DHRS3: variants seen among roughly 807,000 people sequenced by gnomAD.
DHRS3 encodes the protein short-chain dehydrogenase/reductase 3.
DHRS3 carries 14 observed loss-of-function variants against 27.2 expected under a neutral mutation model. That is an observed-to-expected ratio of 0.52 (90% CI 0.34 to 0.81). The LOEUF (loss-of-function observed/expected upper bound fraction) is 0.81, where lower values mean the gene tolerates loss of function less well. Ranked by LOEUF, DHRS3 falls within the 30% of genes least tolerant of loss-of-function variation. DHRS3 has a pLI of 0.01. For synonymous variants in DHRS3, 165 were observed against 175.9 expected, an observed-to-expected ratio of 0.94 and a Z score of 0.49; for missense variants, 322 against 406.2, an observed-to-expected ratio of 0.79 and a Z score of 1.78.
At chr1:12,583,244 C>T (rs1646660774) in intron 1 of DHRS3, among the ~76,000 whole-genome samples, 1 of 150,544 alleles carries the variant, frequency 6.6e-6, no homozygotes, top group Non-Finnish European at 1.5e-5. Context: ...ACTGTACCCA[C>T]TCACCTACCC....
At chr1:12,616,671 C>G (rs1368126633) in intron 1 of DHRS3, 2 of 998,662 alleles carry the variant, frequency 2.0e-6, no homozygotes, top group African/African-American at 1.7e-5. Context: ...CAAGTACCCT[C>G]TCTCGTGTCT....
rs528712505 is a variant in DHRS3, at chr1:12,574,998, A to G, written c.699-2145T>C. Among the ~76,000 whole-genome samples the G allele has an allele frequency of 6.6e-6, 1 of 152,108 alleles. No individual in the cohort carries two copies. Among genetic ancestry groups the G allele is most frequent in the Non-Finnish European group, 1.5e-5 (1 of 68,026 alleles). ...ATGCAGCAGCACTTGTAAAGTGTCT[A>G]GTGGTTCTAGGTGGTTCTATGGCTG... On this transcript the variant is annotated intron_variant, in intron 4 of 5. Transcript: ENST00000616661. This position sits in a 1 kb window ranked among gnomAD's most constrained non-coding sequence, Gnocchi z 4.6.
chr1:12,579,212 C>T, intron 3 of DHRS3, 81 bp downstream of exon 3: 1 of 1,609,456 alleles, frequency 6.2e-7, no homozygotes, highest in South Asian at 1.1e-5. Context: ...AGCCCAAGCC[C>T]TGGCAAATCA....
At chr1:12,582,242 A>G (rs777425465) in intron 1 of DHRS3, among the ~76,000 whole-genome samples, 87 of 152,348 alleles carry the variant, frequency 5.7e-4, no homozygotes, top group Non-Finnish European at 9.0e-4. Flanking sequence ...TCACTTAAGC[A>G]GAGAGGGCAC....
chr1:12,569,262 C>CACACACACAT (rs1553137462), intron 5 of DHRS3, among the ~76,000 whole-genome samples: 2 of 148,580 alleles, frequency 1.3e-5, no homozygotes, highest in African/African-American at 4.9e-5. Context: ...CACACACACA[C>CACACACACAT]TCTTTTTAAA....
chr1:12,617,491 C>T lies in DHRS3; in HGVS notation c.-143G>A, dbSNP rs1202981497. ...CTGGCCACTCTTGAAATCACCTCTT[C>T]CCAAATGCAAAGCACCGGGTGAGAA... On this transcript the variant is annotated 5_prime_UTR_variant, in exon 1 of 6. Coordinates refer to ENST00000616661, the MANE Select transcript of DHRS3 (RefSeq NM_004753.7). 2 of 504,534 alleles carry T rather than the reference C, an allele frequency of 4.0e-6. No individual in the cohort carries two copies. Among genetic ancestry groups the T allele is most frequent in the Non-Finnish European group, 6.4e-6 (2 of 311,972 alleles). 31.3% of individuals were successfully genotyped at this position (504,534 alleles called of 1,614,324 possible). A position where few individuals can be genotyped will look rare whatever the true frequency, so the allele number is the denominator to read the frequency against.
rs1411017701 is a variant in DHRS3, at chr1:12,592,091, C to T, written c.196-11425G>A. Among the ~76,000 whole-genome samples, 1 of 152,118 alleles carries T rather than the reference C, an allele frequency of 6.6e-6. No individual in the cohort carries two copies. The highest frequency in any genetic ancestry group is 1.5e-5 in the Non-Finnish European group (1 of 68,016). On this transcript the variant is annotated intron_variant, in intron 1 of 5. Coordinates refer to ENST00000616661, the MANE Select transcript of DHRS3 (RefSeq NM_004753.7). The surrounding 1 kb of genome is among the most constrained non-coding windows in gnomAD (Gnocchi z 4.2). The stretch of plus-strand genomic sequence containing the variant: ...TGCTGTGAGGGGGTATGGGGTTTGC[C>T]TGGAGCACCCTTGCTCTCCAAGTGG...
intron 1 of DHRS3, among the ~76,000 whole-genome samples, chr1:12,589,913 A>G (rs1646731308): frequency 6.6e-6 from 1 of 152,056 alleles, no homozygotes; most frequent in Non-Finnish European, 1.5e-5. Context: ...GAAGATCCAC[A>G]TACCCTGTTG....
intron 1 of DHRS3, among the ~76,000 whole-genome samples, chr1:12,613,760 G>A (rs749853940): frequency 6.6e-5 from 10 of 151,812 alleles, no homozygotes; most frequent in Non-Finnish European, 2.9e-5. Flanking sequence ...AGTGGGAATT[G>A]AGTTTTTTTG....
In DHRS3 at chr1:12,608,820, C is replaced by T. The variant is rs1646888318; in HGVS notation, c.195+8334G>A. The stretch of plus-strand genomic sequence containing the variant: ...CCTCCAGAACCATCTAGAACAGGTC[C>T]CATGCCTCTGTGGTACTGGAATGCA... On this transcript the variant is annotated intron_variant, in intron 1 of 5. Coordinates refer to ENST00000616661, the MANE Select transcript of DHRS3 (RefSeq NM_004753.7). This position sits in a 1 kb window ranked among gnomAD's most constrained non-coding sequence, Gnocchi z 4.1. Among the ~76,000 whole-genome samples the T allele has an allele frequency of 6.6e-6, 1 of 152,184 alleles. No homozygotes were observed. Among genetic ancestry groups the T allele is most frequent in the Non-Finnish European group, 1.5e-5 (1 of 68,030 alleles).
chr1:12,597,133 G>A (rs1307549451), intron 1 of DHRS3, among the ~76,000 whole-genome samples: 5 of 152,094 alleles, frequency 3.3e-5, no homozygotes, highest in Admixed American at 1.3e-4. Context: ...CTGGAGTGCA[G>A]TGGCGCGATC....
chr1:12,594,021 A>AT lies in DHRS3; in HGVS notation c.196-13356_196-13355insA, dbSNP rs1646767330. Among the ~76,000 whole-genome samples, 1 of 152,120 alleles carries AT rather than the reference A, an allele frequency of 6.6e-6. No individual in the cohort carries two copies. The highest frequency in any genetic ancestry group is 1.5e-5 in the Non-Finnish European group (1 of 68,022). ...TAGAGTTCATGGCTGACACCTCACA[A>AT]CCTTTGCCCTTTTCCCCCACTGGAC... On this transcript the variant is annotated intron_variant, in intron 1 of 5. Transcript: ENST00000616661. The surrounding 1 kb of genome is among the most constrained non-coding windows in gnomAD (Gnocchi z 4.1).
intron 3 of DHRS3, 125 bp downstream of exon 3, chr1:12,579,168 G>A: frequency 6.6e-7 from 1 of 1,506,936 alleles, no homozygotes; most frequent in Non-Finnish European, 9.1e-7. Context: ...CGTCTTGTCT[G>A]GCCACCTTGT....
Position 12,574,907 on chromosome 1 carries a change from A to G in DHRS3, c.699-2054T>C, listed in dbSNP as rs930676828. On this transcript the variant is annotated intron_variant, in intron 4 of 5. Coordinates refer to ENST00000616661, the MANE Select transcript of DHRS3 (RefSeq NM_004753.7). The surrounding 1 kb of genome is among the most constrained non-coding windows in gnomAD (Gnocchi z 4.6). The stretch of plus-strand genomic sequence containing the variant: ...TTGGGCAGGTAACTTTGCTTCTCTG[A>G]GCCTCAGTTCCCTCATCTGTAAAAT... 6.6e-6 allele frequency among the ~76,000 whole-genome samples: 1 copy of G among 152,140 alleles called. No homozygotes were observed. The highest frequency in any genetic ancestry group is 1.5e-5 in the Non-Finnish European group (1 of 68,028).
intron 1 of DHRS3, among the ~76,000 whole-genome samples, chr1:12,584,091 C>G (rs932825511): frequency 6.6e-6 from 1 of 152,114 alleles, no homozygotes; most frequent in African/African-American, 2.4e-5. Flanking sequence ...GTAACAGGAC[C>G]ATGGGGCTTG....
intron 5 of DHRS3, among the ~76,000 whole-genome samples, chr1:12,570,589 A>G (rs995314800): frequency 6.6e-6 from 1 of 152,166 alleles, no homozygotes; most frequent in African/African-American, 2.4e-5. Flanking sequence ...TTCCTGTTCA[A>G]AAGTAGTTGT....
At position 12,618,003 on chromosome 1, in the gene DHRS3, G is replaced by T. The variant is rs549904571; in HGVS notation, c.-655C>A. 1.3e-5 allele frequency among the ~76,000 whole-genome samples: 2 copies of T among 152,142 alleles called. No homozygotes were observed. The highest frequency in any genetic ancestry group is 2.1e-4 in the South Asian group (1 of 4,826). ...ATTGCCAGCAACGTGCAGGAGAAGT[G>T]GGGGGTCCGGGTGTCAGTTTCTTTA... is the stretch of plus-strand genomic sequence containing the variant. On this transcript the variant is annotated 5_prime_UTR_variant, in exon 1 of 6. Transcript: ENST00000616661. The surrounding 1 kb of genome is among the most constrained non-coding windows in gnomAD (Gnocchi z 4.2).
At chr1:12,570,472 T>C (rs1257728383) in intron 5 of DHRS3, among the ~76,000 whole-genome samples, 1 of 152,262 alleles carries the variant, frequency 6.6e-6, no homozygotes, top group African/African-American at 2.4e-5. Flanking sequence ...GCTGGAGCAA[T>C]CTGGAAGGCT....
chr1:12,609,301 G>C (rs968783346), intron 1 of DHRS3, among the ~76,000 whole-genome samples: 1 of 152,164 alleles, frequency 6.6e-6, no homozygotes, highest in African/African-American at 2.4e-5. Flanking sequence ...CGATTCCTCA[G>C]AGCCGTGTCA....
Sources: gnomAD v4.1 joint callset for allele counts (sites outside exome capture counted in the v4.1 genomes callset) on GRCh38, gnomAD v4.1.1 for gene constraint, Gnocchi (gnomAD v3.1) non-coding constraint, MANE v1.5 for transcripts, NCBI Gene and HGNC (gene_info 2026-07-23, HGNC 2026-07-21) for gene names.